The following CRHR1 variants were observed in gnomAD, a reference collection of about 807,000 sequenced individuals.
CRHR1 encodes the protein corticotropin releasing hormone receptor 1, also known as corticotropin-releasing hormone receptor 1.
Under a neutral mutation model 56.0 loss-of-function variants are expected in CRHR1, and 28 were observed. The ratio of observed to expected loss-of-function variants is 0.50; its 90% CI spans 0.37 to 0.69. The LOEUF is 0.69. CRHR1 is among the 30% of genes least tolerant of loss of function. CRHR1 has a pLI of 0.00. For missense variants in CRHR1, 376 were observed against 548.0 expected (o/e 0.69, Z 3.13); for synonymous variants, 195 against 216.5 (o/e 0.90, Z 0.87).
At chr17:45,814,623 G>T (rs914733840) in intron 2 of CRHR1, among the ~76,000 whole-genome samples, 1 of 152,000 alleles carries the variant, frequency 6.6e-6, no homozygotes, top group Non-Finnish European at 1.5e-5. Flanking sequence ...GCGGCCACAT[G>T]CCCCCAGCTC....
At chr17:45,833,693 T>TCGGGC in intron 10 of CRHR1, 21 bp from the exon 11 acceptor site, 1 of 1,571,612 alleles carries the variant, frequency 6.4e-7, no homozygotes, top group Non-Finnish European at 8.7e-7. Flanking sequence ...ACTCCGAGCC[T>TCGGGC]CCCCACCCGC....
At position 45,833,782 on chromosome 17, in the gene CRHR1, A is replaced by G. The variant is rs766294265; in HGVS notation, c.998A>G (p.Asn333Ser). The stretch of plus-strand genomic sequence containing the variant: ...ATCACCTACATGCTGTTCTTCGTCA[A>G]TCCCGGGGAGGATGAGGTCTCCCGG... ...LGITYMLFFV[N>S]PGEDEVSRVV... Residue 333 changes from asparagine (N) to serine (S), a missense_variant, in exon 11 of 13, where the codon AAT becomes AGT. Asn to Ser is a conservative substitution (Grantham distance 46). Transcript: ENST00000314537. The G allele has an allele frequency of 2.5e-6, 4 of 1,612,922 alleles. No homozygotes were observed. The highest frequency in any genetic ancestry group is 3.3e-5 in the Admixed American group (2 of 59,958).
At chr17:45,825,363 C>T (rs1334164645) in intron 4 of CRHR1, 3 of 154,674 alleles carry the variant, frequency 1.9e-5, no homozygotes, top group Admixed American at 1.3e-4. Flanking sequence ...TATCAGCACC[C>T]TCTCCTCCCC....
chr17:45,830,148 C>A lies in CRHR1; in HGVS notation c.489C>A (p.Ile163=), dbSNP rs1476522399. Residue 163 remains isoleucine (I), a synonymous_variant, in exon 6 of 13, where the codon ATC becomes ATA. Coordinates refer to ENST00000314537, the MANE Select transcript of CRHR1 (RefSeq NM_004382.5). ...ACTGGAACCTCATCTCCGCCTTCATCCTGCGCAACGCCACCTGGTTCGTGG... is the reference window on the plus strand; with the variant it reads ...ACTGGAACCTCATCTCCGCCTTCATACTGCGCAACGCCACCTGGTTCGTGG... ...IIHWNLISAF[I]LRNATWFVVQ... is the part of the protein sequence containing the mutation. 6.2e-7 allele frequency: 1 copy of A among 1,614,154 alleles called. No homozygotes were observed.
chr17:45,799,448 A>G (rs929710729), intron 1 of CRHR1: 4 of 152,038 alleles, frequency 2.6e-5, no homozygotes, highest in African/African-American at 9.7e-5. Context: ...TTCATTTATG[A>G]CCTCATTTCT....
intron 3 of CRHR1, among the ~76,000 whole-genome samples, chr17:45,818,315 C>G (rs578172272): frequency 6.6e-6 from 1 of 152,366 alleles, no homozygotes; most frequent in African/African-American, 2.4e-5. Flanking sequence ...TGGCCACCCC[C>G]CATGAGTTCC....
intron 4 of CRHR1, among the ~76,000 whole-genome samples, chr17:45,828,416 G>A (rs937229252): frequency 6.6e-6 from 1 of 152,210 alleles, no homozygotes; most frequent in East Asian, 1.9e-4. Context: ...GGGTTGCCCT[G>A]ATGGTTTAAG....
At chr17:45,804,377 CG>C (rs1208541471) in intron 1 of CRHR1, among the ~76,000 whole-genome samples, 1 of 152,080 alleles carries the variant, frequency 6.6e-6, no homozygotes, top group Non-Finnish European at 1.5e-5. Flanking sequence ...ACTACCGACT[CG>C]GGGGACCATG....
chr17:45,785,136 G>C (rs1202162119), intron 1 of CRHR1, among the ~76,000 whole-genome samples: 3 of 152,216 alleles, frequency 2.0e-5, no homozygotes, highest in Non-Finnish European at 4.4e-5. Flanking sequence ...AGGAGACGGT[G>C]CCTCTGGCGG....
chr17:45,814,117 G>A lies in CRHR1; in HGVS notation c.122-2346G>A, dbSNP rs544177011. On this transcript the variant is annotated intron_variant, in intron 2 of 12. Transcript: ENST00000314537. ...CGGGGAAGGGAAGAAGGAAGGGCAG[G>A]GGCCACACTGATGGAGAGGGTGTGT... Among the ~76,000 whole-genome samples, 11 of 152,370 alleles carry A rather than the reference G, an allele frequency of 7.2e-5. 1 individual carries two copies. In the South Asian group the frequency reaches 2.3e-3, roughly 32 times the overall value.
chr17:45,829,691 G>A (rs1317199997), intron 5 of CRHR1: 2 of 1,524,450 alleles, frequency 1.3e-6, no homozygotes, highest in South Asian at 2.4e-5. Context: ...AGGTGGCAGA[G>A]CCGGGGATGG....
intron 3 of CRHR1, among the ~76,000 whole-genome samples, chr17:45,819,981 T>C (rs2062007899): frequency 6.6e-6 from 1 of 152,174 alleles, no homozygotes; most frequent in Non-Finnish European, 1.5e-5. Flanking sequence ...AGCCCCTCCT[T>C]TTATAAATGA....
At chr17:45,794,555 C>T (rs143598848) in intron 1 of CRHR1, among the ~76,000 whole-genome samples, 31 of 152,308 alleles carry the variant, frequency 2.0e-4, no homozygotes, top group Middle Eastern at 3.4e-3. Flanking sequence ...GGCTGGGCGA[C>T]GGAAGAAGGA....
intron 1 of CRHR1, among the ~76,000 whole-genome samples, chr17:45,794,072 G>T (rs759326021): frequency 6.6e-6 from 1 of 152,150 alleles, no homozygotes; most frequent in African/African-American, 2.4e-5. Context: ...CTGTCCTCCA[G>T]CCAAAGCAGG....
chr17:45,809,720 C>T (rs1212379494), intron 2 of CRHR1, among the ~76,000 whole-genome samples: 5 of 152,326 alleles, frequency 3.3e-5, no homozygotes, highest in African/African-American at 9.6e-5. Flanking sequence ...GGCGTCTGGC[C>T]GGGGCGGCTG....
chr17:45,816,944 G>A (rs1332536320), intron 3 of CRHR1, among the ~76,000 whole-genome samples: 1 of 152,190 alleles, frequency 6.6e-6, no homozygotes, highest in Non-Finnish European at 1.5e-5. Flanking sequence ...TGAGCCTACT[G>A]TAATACCATG....
chr17:45,803,440 G>T (rs899948773), intron 1 of CRHR1, among the ~76,000 whole-genome samples: 7 of 152,148 alleles, frequency 4.6e-5, no homozygotes, highest in African/African-American at 1.4e-4. Flanking sequence ...AGGCTGGAGT[G>T]CAATGGCGTG....
intron 1 of CRHR1, among the ~76,000 whole-genome samples, chr17:45,785,198 C>G (rs1012115996): frequency 6.6e-6 from 1 of 152,238 alleles, no homozygotes; most frequent in East Asian, 1.9e-4. Context: ...TTCTCCGAGC[C>G]TGGGCACCCG....
intron 1 of CRHR1, among the ~76,000 whole-genome samples, chr17:45,797,283 C>CTTTTT (rs899983592): frequency 0.014 from 1,303 of 94,926 alleles, 2 homozygotes; most frequent in African/African-American, 0.026. Context: ...TTCTTTCTTT[C>CTTTTT]TTTTTTTTTT....
Sources: gnomAD v4.1 joint callset for allele counts (sites outside exome capture counted in the v4.1 genomes callset) on GRCh38, gnomAD v4.1.1 for gene constraint, MANE v1.5 for transcripts, NCBI Gene and HGNC (gene_info 2026-07-23, HGNC 2026-07-21) for gene names.